CD163L1: variants seen among roughly 807,000 people sequenced by gnomAD.
CD163L1 encodes the protein scavenger receptor cysteine-rich type 1 protein M160.
In CD163L1, 124 loss-of-function variants were observed where a neutral mutation model predicts 165.4. The ratio of observed to expected loss-of-function variants is 0.75; its 90% CI spans 0.65 to 0.87. CD163L1 has a LOEUF of 0.87. Ranked by LOEUF, CD163L1 falls within the 40% of genes least tolerant of loss-of-function variation. The pLI is 0.00. For missense variants in CD163L1, 1,525 were observed against 1,799.9 expected, an observed-to-expected ratio of 0.85 and a Z score of 2.76; for synonymous variants, 585 against 662.2, an observed-to-expected ratio of 0.88 and a Z score of 1.79.
At chr12:7,440,152 C>G (rs1443587537) in intron 2 of CD163L1, among the ~76,000 whole-genome samples, 1 of 152,256 alleles carries the variant, frequency 6.6e-6, no homozygotes, top group African/African-American at 2.4e-5. Context: ...CGCTCAGGCT[C>G]CGCCGCCTGC....
At position 7,369,076 on chromosome 12, in the gene CD163L1, C is replaced by T. The variant is rs1947088944; in HGVS notation, c.4040-111G>A. 1.7e-6 allele frequency: 2 copies of T among 1,191,786 alleles called. No individual in the cohort carries two copies. Among genetic ancestry groups the T allele is most frequent in the Non-Finnish European group, 2.4e-6 (2 of 828,700 alleles). 73.8% of individuals were successfully genotyped at this position (1,191,786 alleles called of 1,614,324 possible). A position where few individuals can be genotyped will look rare whatever the true frequency, so the allele number is the denominator to read the frequency against. On this transcript the variant is annotated intron_variant, in intron 15 of 19. Coordinates refer to ENST00000313599, the MANE Select transcript of CD163L1 (RefSeq NM_174941.6). This position sits in a 1 kb window ranked among gnomAD's most constrained non-coding sequence, Gnocchi z 4.9. Reference sequence around the variant, plus strand: ...TCATTTAAATATCCTTTTAACATCTCCTGTGAATACTGGATGTCATTTAAA... The same window carrying T: ...TCATTTAAATATCCTTTTAACATCTTCTGTGAATACTGGATGTCATTTAAA...
intron 18 of CD163L1, among the ~76,000 whole-genome samples, chr12:7,360,250 C>A (rs909249540): frequency 6.6e-6 from 1 of 152,014 alleles, no homozygotes; most frequent in South Asian, 2.1e-4. Context: ...TCAAGCAATT[C>A]TCCTGCCTCA....
Position 7,347,721 on chromosome 12 carries a change from T to G in CD163L1, c.*25-574A>C, listed in dbSNP as rs1486168816. On this transcript the variant is annotated intron_variant, in intron 4 of 4. Coordinates refer to the CD163L1 transcript ENST00000539726. The surrounding 1 kb of genome is among the most constrained non-coding windows in gnomAD (Gnocchi z 4.2). ...GAGGCGGAGCTTGCAGTGAACCAAGTTCACGCGCCACTGCACTCCAGCCTG... is the reference window on the plus strand; with the variant it reads ...GAGGCGGAGCTTGCAGTGAACCAAGGTCACGCGCCACTGCACTCCAGCCTG... 6.6e-6 allele frequency among the ~76,000 whole-genome samples: 1 copy of G among 151,868 alleles called. No homozygotes were observed. The highest frequency in any genetic ancestry group is 2.4e-5 in the African/African-American group (1 of 41,320).
intron 4 of CD163L1, among the ~76,000 whole-genome samples, chr12:7,424,300 A>C (rs1023535597): frequency 1.3e-5 from 2 of 152,186 alleles, no homozygotes; most frequent in Admixed American, 6.5e-5. Context: ...AAAAAAAAAA[A>C]AACTCTCAAT....
the CD163L1 span, chr12:7,324,527 A>G: frequency 6.2e-7 from 1 of 1,613,944 alleles, no homozygotes; most frequent in South Asian, 1.1e-5. Flanking sequence ...TGAAGTGGAG[A>G]GTGCACTCAT....
At chr12:7,341,465 G>T in the CD163L1 span, among the ~76,000 whole-genome samples, 1 of 152,128 alleles carries the variant, frequency 6.6e-6, no homozygotes. Flanking sequence ...ATAATCTCTT[G>T]TAACAAATAT....
intron 6 of CD163L1, among the ~76,000 whole-genome samples, chr12:7,399,380 CTTCT>C (rs751622183): frequency 5.1e-4 from 14 of 27,416 alleles, no homozygotes; most frequent in African/African-American, 1.2e-3. Flanking sequence ...CTTTCTCTGA[CTTCT>C]TTCTTTTTCT....
intron 8 of CD163L1, among the ~76,000 whole-genome samples, chr12:7,392,078 T>G (rs758318289): frequency 6.6e-6 from 1 of 152,168 alleles, no homozygotes; most frequent in African/African-American, 2.4e-5. Context: ...GAGGACCTAA[T>G]AGACATCTGC....
At chr12:7,442,111 TA>T (rs1286885689) in intron 1 of CD163L1, among the ~76,000 whole-genome samples, 5 of 152,206 alleles carry the variant, frequency 3.3e-5, no homozygotes, top group South Asian at 2.1e-4. Flanking sequence ...GATTAATTCA[TA>T]GGGGTAAATA....
At chr12:7,428,634 C>G (rs1301749305) in intron 4 of CD163L1, among the ~76,000 whole-genome samples, 3 of 152,030 alleles carry the variant, frequency 2.0e-5, no homozygotes. Flanking sequence ...TTCAGCTGTA[C>G]TGTATCAAAC....
Position 7,441,141 on chromosome 12 carries a change from C to T in CD163L1, c.124+13G>A. ...GATTGTAAGCCCAAAAGTTATCATC[C>T]ATCAGAACTCACTAAAACTGCTGAT... On this transcript the variant is annotated intron_variant, in intron 2 of 19. Coordinates refer to ENST00000313599, the MANE Select transcript of CD163L1 (RefSeq NM_174941.6). 6.3e-7 allele frequency: 1 copy of T among 1,591,216 alleles called. No homozygotes were observed. Among genetic ancestry groups the T allele is most frequent in the Non-Finnish European group, 8.6e-7 (1 of 1,159,358 alleles).
At chr12:7,419,958 A>C (rs1948317094) in intron 4 of CD163L1, among the ~76,000 whole-genome samples, 2 of 152,120 alleles carry the variant, frequency 1.3e-5, no homozygotes, top group South Asian at 4.1e-4. Context: ...TTCACTTCAA[A>C]CTATAAGGCA....
intron 6 of CD163L1, among the ~76,000 whole-genome samples, chr12:7,399,546 T>G (rs1482263638): frequency 3.3e-5 from 1 of 30,168 alleles, no homozygotes. Flanking sequence ...TTTCTTTCTT[T>G]CTTGCTTTCT....
intron 4 of CD163L1, among the ~76,000 whole-genome samples, chr12:7,410,935 T>C (rs1193995994): frequency 6.6e-6 from 1 of 150,958 alleles, no homozygotes; most frequent in Admixed American, 6.6e-5. Context: ...AATTCAAGCA[T>C]TGCCATAAAC....
chr12:7,422,177 C>T (rs2136598657), intron 4 of CD163L1, among the ~76,000 whole-genome samples: 1 of 152,192 alleles, frequency 6.6e-6, no homozygotes, highest in African/African-American at 2.4e-5. Flanking sequence ...AAGCAAACTG[C>T]AGCAGACCTG....
rs59576617 is a variant in CD163L1 at position 7,368,967 on chromosome 12, T to TGAGAGAGAGA, written c.4040-12_4040-3dup. On this transcript the variant is annotated splice_region_variant and splice_polypyrimidine_tract_variant and intron_variant, in intron 15 of 19. Transcript: ENST00000313599. The surrounding 1 kb of genome is among the most constrained non-coding windows in gnomAD (Gnocchi z 4.3). ...CATTCAGTGATTTCAGCGACTGTCCTGAGAGAGAGAGAGAGAGAGAGAGAC... is the reference window on the plus strand; with the variant it reads ...CATTCAGTGATTTCAGCGACTGTCCTGAGAGAGAGAGAGAGAGAGAGAGAGAGAGAGAGAC... 1.3e-6 allele frequency: 2 copies of TGAGAGAGAGA among 1,541,868 alleles called. No individual in the cohort carries two copies. Among genetic ancestry groups the TGAGAGAGAGA allele is most frequent in the African/African-American group, 1.4e-5 (1 of 72,750 alleles).
intron 4 of CD163L1, among the ~76,000 whole-genome samples, chr12:7,417,718 T>C (rs1278359593): frequency 6.6e-6 from 1 of 152,150 alleles, no homozygotes; most frequent in Non-Finnish European, 1.5e-5. Context: ...TTACATTTAT[T>C]GATTTGCATA....
intron 2 of CD163L1, among the ~76,000 whole-genome samples, chr12:7,435,121 A>T (rs763562186): frequency 5.6e-4 from 85 of 152,212 alleles, no homozygotes; most frequent in African/African-American, 2.0e-3. Context: ...TTCTAATATG[A>T]TTGATATTTG....
chr12:7,423,962 C>T (rs1948489072), intron 4 of CD163L1, among the ~76,000 whole-genome samples: 1 of 152,134 alleles, frequency 6.6e-6, no homozygotes, highest in Admixed American at 6.5e-5. Flanking sequence ...AAAGGGACTC[C>T]TCCCGAACTC....
Sources: allele counts gnomAD v4.1 joint callset (sites outside exome capture counted in the v4.1 genomes callset), GRCh38; gene constraint gnomAD v4.1.1; non-coding constraint Gnocchi (gnomAD v3.1); transcripts MANE v1.5; gene names NCBI Gene and HGNC (gene_info 2026-07-23, HGNC 2026-07-21).